The following NEGR1 variants were observed in gnomAD, a reference collection of about 807,000 sequenced individuals.
NEGR1 encodes neuronal growth regulator 1.
NEGR1 carries 10 observed loss-of-function variants against 40.9 expected under a neutral mutation model. That is an observed-to-expected ratio of 0.24 (90% CI 0.15 to 0.42). The LOEUF is 0.42. Ranked by LOEUF, NEGR1 falls within the 10% of genes least tolerant of loss-of-function variation. The probability of loss-of-function intolerance (pLI) is 1.00; values close to 1 mark genes in which losing one functional copy is unlikely to be tolerated. For synonymous variants in NEGR1, 185 were observed against 166.8 expected (o/e 1.11, Z -0.84); for missense variants, 352 against 438.9 (o/e 0.80, Z 1.77).
In NEGR1 at chr1:72,000,487, T is replaced by C. The variant is rs368770335; in HGVS notation, c.177-65176A>G. Among the ~76,000 whole-genome samples the C allele has an allele frequency of 4.6e-5, 7 of 152,162 alleles. No homozygotes were observed. In the South Asian group the frequency reaches 1.0e-3, roughly 22 times the overall value. On this transcript the variant is annotated intron_variant, in intron 1 of 6. Coordinates refer to ENST00000357731, the MANE Select transcript of NEGR1 (RefSeq NM_173808.3). ...TCAAAAATATAAATGCTATACTCTT[T>C]ACCAAAAATACAATTTGAAAAGTGA...
chr1:71,928,913 C>G (rs556625933), intron 2 of NEGR1, among the ~76,000 whole-genome samples: 1 of 151,970 alleles, frequency 6.6e-6, no homozygotes, highest in Non-Finnish European at 1.5e-5. Context: ...TGGACCTGCA[C>G]TATAATGTAA....
At chr1:71,685,909 G>A (rs1199090893) in intron 4 of NEGR1, among the ~76,000 whole-genome samples, 3 of 152,026 alleles carry the variant, frequency 2.0e-5, no homozygotes, top group African/African-American at 4.8e-5. Context: ...TCGCGACGGA[G>A]CTTAGCTGGT....
intron 6 of NEGR1, among the ~76,000 whole-genome samples, chr1:71,577,757 A>G (rs929339358): frequency 3.9e-5 from 6 of 152,152 alleles, no homozygotes; most frequent in East Asian, 1.9e-4. Flanking sequence ...AACAACAACA[A>G]TAACCTAACA....
chr1:71,749,998 T>G (rs1655514269), intron 3 of NEGR1, among the ~76,000 whole-genome samples: 1 of 149,696 alleles, frequency 6.7e-6, no homozygotes, highest in African/African-American at 2.5e-5. Flanking sequence ...CTTTTTTTTT[T>G]TTTTTTGAGA....
intron 1 of NEGR1, among the ~76,000 whole-genome samples, chr1:72,269,710 A>T (rs544560018): frequency 6.6e-6 from 1 of 151,646 alleles, no homozygotes; most frequent in Non-Finnish European, 1.5e-5. Context: ...TCTGTTATCA[A>T]TAGCTTGTAA....
chr1:71,988,233 T>C (rs745496480), intron 1 of NEGR1, among the ~76,000 whole-genome samples: 14 of 151,980 alleles, frequency 9.2e-5, no homozygotes, highest in Admixed American at 2.0e-4. Flanking sequence ...GCCAGAGACA[T>C]CCATGTAAAA....
chr1:71,656,505 C>A (rs886283363), intron 4 of NEGR1, among the ~76,000 whole-genome samples: 1 of 152,116 alleles, frequency 6.6e-6, no homozygotes, highest in Non-Finnish European at 1.5e-5. Flanking sequence ...CTCCACCTCC[C>A]GGGTTCACGC....
intron 2 of NEGR1, among the ~76,000 whole-genome samples, chr1:71,832,714 T>G (rs1658880762): frequency 6.6e-6 from 1 of 152,038 alleles, no homozygotes; most frequent in South Asian, 2.1e-4. Flanking sequence ...AAATAACAAC[T>G]TTAACAAATC....
intron 1 of NEGR1, among the ~76,000 whole-genome samples, chr1:71,936,555 A>G (rs1645907096): frequency 6.6e-6 from 1 of 152,210 alleles, no homozygotes; most frequent in African/African-American, 2.4e-5. Flanking sequence ...TAAGTATTGT[A>G]AGATATGGCA....
chr1:71,846,053 C>T (rs1570425069), intron 2 of NEGR1, among the ~76,000 whole-genome samples: 1 of 151,738 alleles, frequency 6.6e-6, no homozygotes, highest in Non-Finnish European at 1.5e-5. Context: ...CATGGGCCAC[C>T]ACCCCCAGCC....
At chr1:71,557,202 G>A (rs1250826534) in intron 6 of NEGR1, among the ~76,000 whole-genome samples, 2 of 151,608 alleles carry the variant, frequency 1.3e-5, no homozygotes, top group Non-Finnish European at 3.0e-5. Flanking sequence ...TTGGTTGGTA[G>A]AGCACATGTG....
At chr1:71,644,933 A>AT (rs1011844459) in intron 4 of NEGR1, among the ~76,000 whole-genome samples, 2 of 151,680 alleles carry the variant, frequency 1.3e-5, no homozygotes, top group South Asian at 2.1e-4. Flanking sequence ...GGAAAGGACT[A>AT]TTTTTTCCCC....
At chr1:71,705,852 G>A (rs1327277661) in intron 3 of NEGR1, among the ~76,000 whole-genome samples, 1 of 151,644 alleles carries the variant, frequency 6.6e-6, no homozygotes, top group Non-Finnish European at 1.5e-5. Context: ...GAGAAGGAAG[G>A]AAGAGAGGAA....
At chr1:71,808,478 A>T (rs1437925449) in intron 2 of NEGR1, among the ~76,000 whole-genome samples, 1 of 152,192 alleles carries the variant, frequency 6.6e-6, no homozygotes, top group Non-Finnish European at 1.5e-5. Flanking sequence ...CAGATGAAGT[A>T]AGCCTGAGAA....
At chr1:72,264,681 T>C in intron 1 of NEGR1, among the ~76,000 whole-genome samples, 1 of 150,916 alleles carries the variant, frequency 6.6e-6, no homozygotes, top group East Asian at 1.9e-4. Context: ...TCTTAAAAAC[T>C]TTTTAAATAT....
At chr1:71,898,445 C>T (rs942034464) in intron 2 of NEGR1, among the ~76,000 whole-genome samples, 9 of 152,088 alleles carry the variant, frequency 5.9e-5, no homozygotes, top group African/African-American at 2.2e-4. Context: ...GAAACCCCGT[C>T]TCTACTAAAA....
intron 2 of NEGR1, among the ~76,000 whole-genome samples, chr1:71,803,561 G>A (rs1007120911): frequency 3.3e-5 from 5 of 152,026 alleles, no homozygotes; most frequent in Admixed American, 3.3e-4. Context: ...ACATTTCCGT[G>A]GCTCAGGGGC....
intron 3 of NEGR1, among the ~76,000 whole-genome samples, chr1:71,698,563 GGGA>G (rs1557618008): frequency 2.6e-5 from 4 of 151,734 alleles, no homozygotes; most frequent in Middle Eastern, 3.4e-3. Context: ...TTTCTTTTGG[GGGA>G]AATCTCCTAC....
At chr1:72,271,863 G>A (rs554358805) in intron 1 of NEGR1, among the ~76,000 whole-genome samples, 14 of 151,804 alleles carry the variant, frequency 9.2e-5, no homozygotes, top group Non-Finnish European at 1.5e-5. Context: ...ACATCTGACG[G>A]GTTTATCAGG....
Sources: gnomAD v4.1 joint callset for allele counts (sites outside exome capture counted in the v4.1 genomes callset) on GRCh38, gnomAD v4.1.1 for gene constraint, MANE v1.5 for transcripts, NCBI Gene and HGNC (gene_info 2026-07-23, HGNC 2026-07-21) for gene names.